Variants in INPP5A observed in about 807,000 individuals in gnomAD.
INPP5A encodes inositol polyphosphate-5-phosphatase A.
In INPP5A, 14 loss-of-function variants were observed where a neutral mutation model predicts 65.2. The ratio of observed to expected loss-of-function variants is 0.21; its 90% confidence interval spans 0.14 to 0.34. The LOEUF is 0.34. Among genes scored for constraint, INPP5A ranks in the 10% least tolerant of loss-of-function variants. The pLI is 1.00. For missense variants in INPP5A, 431 were observed against 545.6 expected, an observed-to-expected ratio of 0.79 and a Z score of 2.09; for synonymous variants, 207 against 208.3, an observed-to-expected ratio of 0.99 and a Z score of 0.05.
chr10:132,636,853 G>A (rs940519159), intron 2 of INPP5A, among the ~76,000 whole-genome samples: 6 of 152,210 alleles, frequency 3.9e-5, no homozygotes, highest in Admixed American at 6.5e-5. Context: ...TTCTGTTGTC[G>A]TCTTAGTGCG....
chr10:132,594,365 A>G (rs2071656811), intron 1 of INPP5A, among the ~76,000 whole-genome samples: 1 of 152,220 alleles, frequency 6.6e-6, no homozygotes, highest in Admixed American at 6.5e-5. Context: ...CGTGTCCATC[A>G]CTGCGGAACG....
intron 9 of INPP5A, among the ~76,000 whole-genome samples, chr10:132,731,904 C>T (rs997117160): frequency 6.6e-6 from 1 of 152,204 alleles, no homozygotes; most frequent in Admixed American, 6.5e-5. Flanking sequence ...GAATTGGACA[C>T]CATGTCTTCA....
chr10:132,560,170 G>A (rs2071184282), intron 1 of INPP5A, among the ~76,000 whole-genome samples: 1 of 151,854 alleles, frequency 6.6e-6, no homozygotes, highest in Non-Finnish European at 1.5e-5. Flanking sequence ...AGCTCTCTTG[G>A]GTGTAGACCT....
At chr10:132,767,494 C>T (rs1011869431) in intron 12 of INPP5A, among the ~76,000 whole-genome samples, 4 of 152,192 alleles carry the variant, frequency 2.6e-5, no homozygotes, top group Non-Finnish European at 5.9e-5. Context: ...GGCCTCTCGT[C>T]CTCCTCACGA....
chr10:132,740,388 C>T (rs1846252330), intron 9 of INPP5A, among the ~76,000 whole-genome samples: 1 of 152,216 alleles, frequency 6.6e-6, no homozygotes, highest in Non-Finnish European at 1.5e-5. Flanking sequence ...AGTGAATTCT[C>T]CTTTCACAGC....
intron 13 of INPP5A, among the ~76,000 whole-genome samples, chr10:132,779,202 G>T (rs1335465708): frequency 6.6e-6 from 1 of 152,262 alleles, no homozygotes; most frequent in Non-Finnish European, 1.5e-5. Flanking sequence ...AAGCCCAGGA[G>T]TGGGCTCGGC....
chr10:132,543,369 G>A (rs1323367701), intron 1 of INPP5A, among the ~76,000 whole-genome samples: 1 of 152,000 alleles, frequency 6.6e-6, no homozygotes, highest in Non-Finnish European at 1.5e-5. Flanking sequence ...GTATGTAAAA[G>A]TGTCCATGCT....
At chr10:132,652,854 T>G (rs1564950194) in intron 4 of INPP5A, among the ~76,000 whole-genome samples, 1 of 152,020 alleles carries the variant, frequency 6.6e-6, no homozygotes, top group Non-Finnish European at 1.5e-5. Flanking sequence ...GGGGTCAGCT[T>G]TTTGGGAGGA....
intron 2 of INPP5A, among the ~76,000 whole-genome samples, chr10:132,625,827 G>A (rs2072174758): frequency 6.7e-6 from 1 of 149,372 alleles, no homozygotes; most frequent in African/African-American, 2.5e-5. Flanking sequence ...CTCTGCAAGG[G>A]CTGGCAGGAC....
chr10:132,671,615 G>T (rs566468924), intron 4 of INPP5A, among the ~76,000 whole-genome samples: 2 of 152,142 alleles, frequency 1.3e-5, no homozygotes, highest in African/African-American at 4.8e-5. Context: ...CGTATTCTGC[G>T]GCTCCTCCAG....
chr10:132,769,085 C>T (rs1452368397), intron 12 of INPP5A, among the ~76,000 whole-genome samples: 4 of 152,214 alleles, frequency 2.6e-5, no homozygotes, highest in Non-Finnish European at 4.4e-5. Flanking sequence ...GGCAGAGTGA[C>T]GCCAGGAAAT....
intron 9 of INPP5A, among the ~76,000 whole-genome samples, chr10:132,749,002 G>GC (rs1846421647): frequency 6.6e-6 from 1 of 152,272 alleles, no homozygotes; most frequent in Non-Finnish European, 1.5e-5. Context: ...ACACCACAAA[G>GC]CAGGCGTGTG....
intron 9 of INPP5A, among the ~76,000 whole-genome samples, chr10:132,733,040 CA>C (rs907630366): frequency 4.6e-5 from 7 of 152,294 alleles, no homozygotes; most frequent in East Asian, 1.9e-4. Flanking sequence ...CTGGAGGCTC[CA>C]GGGGGGACCC....
chr10:132,612,997 G>A (rs543596210), intron 2 of INPP5A, among the ~76,000 whole-genome samples: 19 of 152,272 alleles, frequency 1.2e-4, no homozygotes, highest in African/African-American at 4.1e-4. Context: ...AGAGGCCATG[G>A]GGGAGGGCAG....
At chr10:132,720,171 T>A (rs1845839648) in intron 8 of INPP5A, among the ~76,000 whole-genome samples, 1 of 151,032 alleles carries the variant, frequency 6.6e-6, no homozygotes, top group African/African-American at 2.4e-5. Flanking sequence ...ACCTGGGTTC[T>A]GTCTGGGCAC....
chr10:132,716,916 G>A (rs1845749986), intron 8 of INPP5A, among the ~76,000 whole-genome samples: 1 of 152,248 alleles, frequency 6.6e-6, no homozygotes, highest in African/African-American at 2.4e-5. Context: ...GAGAGCACTT[G>A]ATGTGGGGAT....
At position 132,650,375 on chromosome 10, in the gene INPP5A, G is replaced by GT; in HGVS notation, c.219-42dup. On this transcript the variant is annotated intron_variant, in intron 3 of 15. Transcript: ENST00000368594. This position sits in a 1 kb window ranked among gnomAD's most constrained non-coding sequence, Gnocchi z 5.5. Reference sequence around the variant, plus strand: ...GTGGTCATCTCATGAGGTGCAAGGCGTCTGTGTGGCTTTTCCTCAGGAACC... The same window carrying GT: ...GTGGTCATCTCATGAGGTGCAAGGCGTTCTGTGTGGCTTTTCCTCAGGAACC... The GT allele has an allele frequency of 7.2e-7, 1 of 1,383,514 alleles. No homozygotes were observed. The highest frequency in any genetic ancestry group is 1.0e-6 in the Non-Finnish European group (1 of 970,138). 85.7% of individuals were successfully genotyped at this position (1,383,514 alleles called of 1,614,324 possible).
intron 2 of INPP5A, among the ~76,000 whole-genome samples, chr10:132,631,129 C>T (rs532830459): frequency 6.6e-6 from 1 of 152,324 alleles, no homozygotes; most frequent in South Asian, 2.1e-4. Context: ...CTCCAGATCA[C>T]ACAGGCTGGC....
At chr10:132,620,115 G>A (rs556859893) in intron 2 of INPP5A, among the ~76,000 whole-genome samples, 56 of 152,322 alleles carry the variant, frequency 3.7e-4, no homozygotes, top group African/African-American at 1.3e-3. Flanking sequence ...AGGGTCCTGG[G>A]CCTGACCCAT....
Sources: allele counts gnomAD v4.1 joint callset (sites outside exome capture counted in the v4.1 genomes callset), GRCh38; gene constraint gnomAD v4.1.1; non-coding constraint Gnocchi (gnomAD v3.1); transcripts MANE v1.5; gene names NCBI Gene and HGNC (gene_info 2026-07-23, HGNC 2026-07-21).